The following GRID1 variants were observed in gnomAD, a reference collection of about 807,000 sequenced individuals.
The protein encoded by GRID1 is glutamate ionotropic receptor delta type subunit 1.
A neutral mutation model predicts 98.0 loss-of-function variants in GRID1; 28 were observed. That is an observed-to-expected ratio of 0.29 (90% CI 0.21 to 0.39). The LOEUF is 0.39. GRID1 is among the 10% of genes least tolerant of loss of function. The probability of loss-of-function intolerance (pLI) is 1.00; values close to 1 mark genes in which losing one functional copy is unlikely to be tolerated. For synonymous variants in GRID1, 553 were observed against 538.5 expected, an observed-to-expected ratio of 1.03 and a Z score of -0.37; for missense variants, 1,111 against 1,340.5, an observed-to-expected ratio of 0.83 and a Z score of 2.67.
chr10:85,824,788 G>C (rs1366210454), intron 8 of GRID1, among the ~76,000 whole-genome samples: 1 of 151,862 alleles, frequency 6.6e-6, no homozygotes, highest in Admixed American at 6.6e-5. Context: ...ACTTATAATT[G>C]AGAATGTATA....
At chr10:85,880,801 G>T (rs1445620224) in intron 5 of GRID1, among the ~76,000 whole-genome samples, 2 of 151,996 alleles carry the variant, frequency 1.3e-5, no homozygotes, top group Non-Finnish European at 2.9e-5. Flanking sequence ...GGAAATAAAG[G>T]GTATTCAATT....
At chr10:85,770,906 G>C (rs1027266270) in intron 8 of GRID1, among the ~76,000 whole-genome samples, 24 of 152,140 alleles carry the variant, frequency 1.6e-4, no homozygotes, top group Non-Finnish European at 2.9e-4. Context: ...ACTCTGCAGG[G>C]TATTATCCAG....
At chr10:85,868,386 T>C (rs1358146363) in intron 6 of GRID1, among the ~76,000 whole-genome samples, 1 of 152,152 alleles carries the variant, frequency 6.6e-6, no homozygotes, top group Non-Finnish European at 1.5e-5. Flanking sequence ...TCCATCGTAT[T>C]CCAAGGCCCA....
At chr10:85,855,522 T>C (rs907103786) in intron 7 of GRID1, among the ~76,000 whole-genome samples, 1 of 152,244 alleles carries the variant, frequency 6.6e-6, no homozygotes, top group Non-Finnish European at 1.5e-5. Flanking sequence ...ACTAAATTCC[T>C]AACGCTATGG....
intron 5 of GRID1, among the ~76,000 whole-genome samples, chr10:85,876,913 G>A (rs138760469): frequency 1.6e-4 from 25 of 152,326 alleles, no homozygotes; most frequent in Admixed American, 1.2e-3. Context: ...CCAATACTGC[G>A]CTTTTCCAAT....
intron 2 of GRID1, among the ~76,000 whole-genome samples, chr10:86,339,907 C>T (rs935088157): frequency 2.6e-5 from 4 of 152,162 alleles, no homozygotes; most frequent in Non-Finnish European, 4.4e-5. Flanking sequence ...GTTAACCCAT[C>T]GTCCAGCCAA....
At chr10:85,898,578 C>G (rs1022597077) in intron 5 of GRID1, among the ~76,000 whole-genome samples, 1 of 152,002 alleles carries the variant, frequency 6.6e-6, no homozygotes, top group African/African-American at 2.4e-5. Context: ...ATTCTATAAG[C>G]TTTTTTCTAT....
At chr10:86,072,103 G>T (rs886444085) in intron 4 of GRID1, among the ~76,000 whole-genome samples, 7 of 152,194 alleles carry the variant, frequency 4.6e-5, no homozygotes, top group Non-Finnish European at 1.0e-4. Flanking sequence ...GGCCTTCTGG[G>T]AGCTAAAGGA....
chr10:85,613,150 T>G, intron 15 of GRID1: 2 of 518,572 alleles, frequency 3.9e-6, no homozygotes, highest in Non-Finnish European at 3.4e-6. Context: ...ACCTGCTCTA[T>G]AGATAAATAC....
At chr10:85,933,548 T>C (rs535377893) in intron 4 of GRID1, among the ~76,000 whole-genome samples, 3 of 152,278 alleles carry the variant, frequency 2.0e-5, no homozygotes, top group South Asian at 4.1e-4. Context: ...GACTTTGGGA[T>C]AAAACAAGGA....
At chr10:85,674,626 C>A (rs1003615622) in intron 12 of GRID1, among the ~76,000 whole-genome samples, 20 of 151,930 alleles carry the variant, frequency 1.3e-4, no homozygotes, top group African/African-American at 4.6e-4. Context: ...TATTCAAGAT[C>A]ACATAGTTAA....
chr10:86,250,001 G>A (rs1473911401), intron 2 of GRID1, among the ~76,000 whole-genome samples: 3 of 151,994 alleles, frequency 2.0e-5, no homozygotes, highest in Non-Finnish European at 4.4e-5. Context: ...GGATGGATGG[G>A]TGGGTGGAAG....
intron 8 of GRID1, among the ~76,000 whole-genome samples, chr10:85,790,799 G>C (rs544918209): frequency 6.6e-6 from 1 of 152,152 alleles, no homozygotes; most frequent in Non-Finnish European, 1.5e-5. Context: ...TCAACCACCC[G>C]CTCCTCACAA....
intron 5 of GRID1, among the ~76,000 whole-genome samples, chr10:85,881,960 A>T (rs34916498): frequency 0.16 from 25,083 of 152,080 alleles, 2,076 homozygotes; most frequent in South Asian, 0.22. Context: ...AAAAGTGGGC[A>T]AAGGATATGA....
intron 13 of GRID1, among the ~76,000 whole-genome samples, chr10:85,642,633 TGTTGTC>T (rs1022412873): frequency 6.6e-6 from 1 of 152,202 alleles, no homozygotes; most frequent in African/African-American, 2.4e-5. Context: ...GAAAATGGTG[TGTTGTC>T]GTCTCTTAAT....
intron 4 of GRID1, among the ~76,000 whole-genome samples, chr10:86,115,723 G>C (rs527883602): frequency 6.6e-6 from 1 of 152,172 alleles, no homozygotes; most frequent in Non-Finnish European, 1.5e-5. Context: ...CAGAGCCAGC[G>C]ACCCCAGCAC....
At chr10:86,232,533 G>A (rs1365547990) in intron 2 of GRID1, among the ~76,000 whole-genome samples, 2 of 152,146 alleles carry the variant, frequency 1.3e-5, no homozygotes, top group Non-Finnish European at 2.9e-5. Flanking sequence ...CCACCACCTG[G>A]ACAGATCAAA....
chr10:86,366,054 C>T lies in GRID1; in HGVS notation c.79+260G>A, dbSNP rs1175587421. On this transcript the variant is annotated intron_variant, in intron 1 of 15. Transcript: ENST00000327946. The surrounding 1 kb of genome is among the most constrained non-coding windows in gnomAD (Gnocchi z 4.1). Reference sequence around the variant, plus strand: ...TCGACGCGCGTCCATCCCGGTGTTCCCCGAAGCGTCGGCCCTAAGTGTCGG... The same window carrying T: ...TCGACGCGCGTCCATCCCGGTGTTCTCCGAAGCGTCGGCCCTAAGTGTCGG... Among the ~76,000 whole-genome samples, 1 of 152,138 alleles carries T rather than the reference C, an allele frequency of 6.6e-6. No individual in the cohort carries two copies. The highest frequency in any genetic ancestry group is 6.5e-5 in the Admixed American group (1 of 15,288).
chr10:86,330,659 T>G (rs1848126315), intron 2 of GRID1, among the ~76,000 whole-genome samples: 2 of 152,206 alleles, frequency 1.3e-5, no homozygotes, highest in African/African-American at 4.8e-5. Flanking sequence ...CTTCATACTT[T>G]GTGTGAGGCC....
Sources: gnomAD v4.1 joint callset for allele counts (sites outside exome capture counted in the v4.1 genomes callset) on GRCh38, gnomAD v4.1.1 for gene constraint, Gnocchi (gnomAD v3.1) non-coding constraint, MANE v1.5 for transcripts, NCBI Gene and HGNC (gene_info 2026-07-23, HGNC 2026-07-21) for gene names.